Variants in COL5A1 observed in about 807,000 individuals in gnomAD.
The protein encoded by COL5A1 is collagen alpha-1(V) chain.
COL5A1 carries 16 observed loss-of-function variants against 263.7 expected under a neutral mutation model. The ratio of observed to expected loss-of-function variants is 0.06; its 90% confidence interval spans 0.04 to 0.09. The LOEUF is 0.09. Ranked by LOEUF, COL5A1 falls within the 10% of genes least tolerant of loss-of-function variation. COL5A1 has a pLI of 1.00. For synonymous variants in COL5A1, 1,012 were observed against 1,004.5 expected (o/e 1.01, Z -0.14); for missense variants, 2,036 against 2,540.5 (o/e 0.80, Z 4.27).
Position 134,761,915 on chromosome 9 carries a change from C to T in COL5A1, c.1936-10C>T, listed in dbSNP as rs779506561. On this transcript the variant is annotated splice_polypyrimidine_tract_variant and intron_variant, in intron 18 of 65. Coordinates refer to ENST00000371817, the MANE Select transcript of COL5A1 (RefSeq NM_000093.5). Reference sequence around the variant, plus strand: ...CAGGAGAGGCTGACGTTGACCCTTTCACTTCCTAGGGTGACCCTGGTCCTT... The same window carrying T: ...CAGGAGAGGCTGACGTTGACCCTTTTACTTCCTAGGGTGACCCTGGTCCTT... The T allele has an allele frequency of 1.1e-5, 18 of 1,613,072 alleles. No individual in the cohort carries two copies. The highest frequency in any genetic ancestry group is 1.5e-5 in the Non-Finnish European group (18 of 1,179,762).
rs572214383 is a variant in COL5A1, at chr9:134,811,816, T to C, written c.3690+217T>C. Among the ~76,000 whole-genome samples the C allele has an allele frequency of 9.8e-5, 15 of 152,370 alleles. No homozygotes were observed. The South Asian group carries it at 2.9e-3, about 29-fold the overall frequency. Reference sequence around the variant, plus strand: ...ACTTCAGCAGTGGCATTTATTTCTGTGCTCATTGTGGAAACTGATGATTCG... The same window carrying C: ...ACTTCAGCAGTGGCATTTATTTCTGCGCTCATTGTGGAAACTGATGATTCG... On this transcript the variant is annotated intron_variant, in intron 46 of 65. Transcript: ENST00000371817.
At chr9:134,676,710 G>C (rs1170076930) in intron 1 of COL5A1, among the ~76,000 whole-genome samples, 1 of 152,240 alleles carries the variant, frequency 6.6e-6, no homozygotes, top group African/African-American at 2.4e-5. Flanking sequence ...ATTTGCTGGT[G>C]GGGGTGGTGC....
intron 1 of COL5A1, among the ~76,000 whole-genome samples, chr9:134,683,816 G>A (rs1025139803): frequency 1.3e-5 from 2 of 152,220 alleles, no homozygotes; most frequent in Non-Finnish European, 2.9e-5. Flanking sequence ...GCCGGCACCC[G>A]GTGGGCTTTT....
At position 134,754,143 on chromosome 9, in the gene COL5A1, G is replaced by T; in HGVS notation, c.1774-130G>T. On this transcript the variant is annotated intron_variant, in intron 15 of 65. Transcript: ENST00000371817. The surrounding 1 kb of genome is among the most constrained non-coding windows in gnomAD (Gnocchi z 4.3). Reference sequence around the variant, plus strand: ...GGCAGCAGATCCGTGTCCCGTCCCCGAAGTGCCCACATGTTTGTGGCTTGG... The same window carrying T: ...GGCAGCAGATCCGTGTCCCGTCCCCTAAGTGCCCACATGTTTGTGGCTTGG... 1 of 999,728 alleles carries T rather than the reference G, an allele frequency of 1.0e-6. No homozygotes were observed. The highest frequency in any genetic ancestry group is 1.6e-6 in the Non-Finnish European group (1 of 644,096). The allele number at this position is 999,728 out of a possible 1,614,324, so 61.9% of individuals were successfully genotyped here.
chr9:134,655,832 G>T (rs1201712721), intron 1 of COL5A1, among the ~76,000 whole-genome samples: 2 of 152,178 alleles, frequency 1.3e-5, no homozygotes, highest in Non-Finnish European at 2.9e-5. Flanking sequence ...ACGTGGGCTT[G>T]TCAGAGCCTC....
At position 134,700,161 on chromosome 9, in the gene COL5A1, G is replaced by GCA; in HGVS notation, c.491+39_491+40insCA. On this transcript the variant is annotated intron_variant, in intron 3 of 65. Transcript: ENST00000371817. This position sits in a 1 kb window ranked among gnomAD's most constrained non-coding sequence, Gnocchi z 4.0. ...TCTGGGCAACTGTCCCCCTGCTGGA[G>GCA]GGGGGATCAGGCCAGCTCATACCAC... 1 of 1,571,752 alleles carries GCA rather than the reference G, an allele frequency of 6.4e-7. No individual in the cohort carries two copies. Among genetic ancestry groups the GCA allele is most frequent in the Non-Finnish European group, 8.6e-7 (1 of 1,157,828 alleles).
At position 134,837,007 on chromosome 9, in the gene COL5A1, A is replaced by G. The variant is rs905503207; in HGVS notation, c.5370+1803A>G. On this transcript the variant is annotated intron_variant, in intron 65 of 65. Transcript: ENST00000371817. ...CCAGGGACCTTACCCGTCCTCCCCA[A>G]ATGAGTATAACATAGCACCTGCCTC... is the stretch of plus-strand genomic sequence containing the variant. Among the ~76,000 whole-genome samples the G allele has an allele frequency of 8.5e-5, 13 of 152,232 alleles. 1 individual carries two copies. The highest frequency in any genetic ancestry group is 8.5e-4 in the Admixed American group (13 of 15,284).
chr9:134,767,228 G>GAGA (rs1472590515), intron 23 of COL5A1, 82 bp from the exon 24 acceptor site: 5 of 1,504,626 alleles, frequency 3.3e-6, no homozygotes, highest in Non-Finnish European at 4.6e-6. Context: ...AGACATCAAT[G>GAGA]AGAAGATGGA....
chr9:134,838,269 C>T (rs1839912413), intron 65 of COL5A1, among the ~76,000 whole-genome samples: 1 of 152,170 alleles, frequency 6.6e-6, no homozygotes, highest in Non-Finnish European at 1.5e-5. Context: ...GTGACGGCAA[C>T]CCAGAATGTC....
chr9:134,792,660 C>T (rs552241617), intron 32 of COL5A1, among the ~76,000 whole-genome samples: 15 of 152,214 alleles, frequency 9.9e-5, no homozygotes, highest in Middle Eastern at 3.4e-3. Context: ...CCACCATGCC[C>T]GGCCCAGAGA....
intron 1 of COL5A1, among the ~76,000 whole-genome samples, chr9:134,650,951 C>T (rs941792845): frequency 5.9e-5 from 9 of 152,252 alleles, no homozygotes; most frequent in Admixed American, 5.2e-4. Flanking sequence ...CCAGTGGTCA[C>T]ACGGCCTGCA....
chr9:134,820,154 T>C lies in COL5A1; in HGVS notation c.4485T>C (p.Gly1495=). 6.2e-7 allele frequency: 1 copy of C among 1,613,854 alleles called. No homozygotes were observed. The highest frequency in any genetic ancestry group is 1.1e-5 in the South Asian group (1 of 91,062). The part of the protein sequence containing the change: ...PGLIGLIGPP[G]EQGEKGDRGL... ...TGATCGGGCTCATCGGTCCTCCGGG[T>C]GAACAGGGTGAGAAGGGCGACCGTG... The change falls in exon 58 of 66, where the codon GGT becomes GGC. Residue 1495 remains glycine, a synonymous_variant. Transcript: ENST00000371817.
chr9:134,840,375 C>T (rs549254124), intron 65 of COL5A1, among the ~76,000 whole-genome samples: 61 of 152,242 alleles, frequency 4.0e-4, no homozygotes, highest in Non-Finnish European at 5.9e-4. Flanking sequence ...ATAGCAGGAA[C>T]GCATGCAGGG....
In COL5A1 at chr9:134,792,868, CGCGTTTGTGCACACGTGTGTGT is replaced by C. The variant is rs576591380; in HGVS notation, c.2701-2210_2701-2189del. 3.2e-4 allele frequency among the ~76,000 whole-genome samples: 10 copies of C among 31,698 alleles called. No individual in the cohort carries two copies. The South Asian group carries it at 4.5e-3, about 14-fold the overall frequency. 20.8% of individuals were successfully genotyped at this position (31,698 alleles called of 152,430 possible). A position where few individuals can be genotyped will look rare whatever the true frequency, so the allele number is the denominator to read the frequency against. Reference sequence around the variant, plus strand: ...GTGTGTGCGCACACGTGTGTGTGCGCGCGTTTGTGCACACGTGTGTGTGCGCGCGTGTGTGCACGCGCGTGTG... The same window carrying C: ...GTGTGTGCGCACACGTGTGTGTGCGCGCGCGCGTGTGTGCACGCGCGTGTG... On this transcript the variant is annotated intron_variant, in intron 32 of 65. Coordinates refer to ENST00000371817, the MANE Select transcript of COL5A1 (RefSeq NM_000093.5).
chr9:134,819,288 G>T (rs768613543), intron 57 of COL5A1, among the ~76,000 whole-genome samples: 1 of 152,226 alleles, frequency 6.6e-6, no homozygotes, highest in Non-Finnish European at 1.5e-5. Context: ...GGCCCCTGCG[G>T]TATTGACGGA....
At chr9:134,663,957 CA>C (rs1353189849) in intron 1 of COL5A1, among the ~76,000 whole-genome samples, 1 of 152,334 alleles carries the variant, frequency 6.6e-6, no homozygotes, top group Admixed American at 6.5e-5. Context: ...TTGGGCTCTC[CA>C]GGGGGAAGGG....
chr9:134,744,633 T>A (rs114146662), intron 11 of COL5A1, among the ~76,000 whole-genome samples: 2,174 of 138,418 alleles, frequency 0.016, 62 homozygotes, highest in African/African-American at 0.055. Flanking sequence ...ATGCACACAC[T>A]CACCCAGACA....
chr9:134,813,719 T>C (rs1397743802), intron 48 of COL5A1, among the ~76,000 whole-genome samples: 1 of 152,240 alleles, frequency 6.6e-6, no homozygotes, highest in Non-Finnish European at 1.5e-5. Context: ...CCACAACCCT[T>C]GGAGCAGCGC....
rs1837396778 is a variant in COL5A1, at chr9:134,784,902, C to T, written c.2485-87C>T. ...TGACCACAGGGTGCCTGTGACCTGT[C>T]CCCTTGCTCCTTGCTCTCAGAATGG... On this transcript the variant is annotated intron_variant, in intron 29 of 65. Transcript: ENST00000371817. 4 of 1,128,668 alleles carry T rather than the reference C, an allele frequency of 3.5e-6. No homozygotes were observed. In the Admixed American group the frequency reaches 5.3e-5, roughly 15 times the overall value. 69.9% of individuals were successfully genotyped at this position (1,128,668 alleles called of 1,614,324 possible). A position where few individuals can be genotyped will look rare whatever the true frequency, so the allele number is the denominator to read the frequency against.
Sources: allele counts gnomAD v4.1 joint callset (sites outside exome capture counted in the v4.1 genomes callset), GRCh38; gene constraint gnomAD v4.1.1; non-coding constraint Gnocchi (gnomAD v3.1); transcripts MANE v1.5; gene names NCBI Gene and HGNC (gene_info 2026-07-23, HGNC 2026-07-21).